The following OPCML variants were observed in gnomAD, a reference collection of about 807,000 sequenced individuals.
OPCML encodes opioid-binding protein/cell adhesion molecule.
In OPCML, 13 loss-of-function variants were observed where a neutral mutation model predicts 37.8. The observed-to-expected ratio is 0.34, with a 90% CI of 0.22 to 0.55. The LOEUF (loss-of-function observed/expected upper bound fraction) is 0.55, where lower values mean the gene tolerates loss of function less well. Ranked by LOEUF, OPCML falls within the 20% of genes least tolerant of loss-of-function variation. OPCML has a pLI of 0.91. For synonymous variants in OPCML, 176 were observed against 168.8 expected (o/e 1.04, Z -0.33); for missense variants, 341 against 435.6 (o/e 0.78, Z 1.93).
intron 2 of OPCML, among the ~76,000 whole-genome samples, chr11:132,767,721 C>T (rs531993768): frequency 6.6e-6 from 1 of 152,146 alleles, no homozygotes; most frequent in African/African-American, 2.4e-5. Context: ...AAAACCCTCA[C>T]AAACTGGTAC....
At chr11:133,062,495 G>A (rs1234321177) in intron 1 of OPCML, among the ~76,000 whole-genome samples, 1 of 152,202 alleles carries the variant, frequency 6.6e-6, no homozygotes, top group Non-Finnish European at 1.5e-5. Flanking sequence ...CGAGGCTCAA[G>A]AGTCCTCCTT....
chr11:132,912,848 A>T (rs1944472059), intron 2 of OPCML, among the ~76,000 whole-genome samples: 1 of 152,240 alleles, frequency 6.6e-6, no homozygotes, highest in Admixed American at 6.5e-5. Context: ...CCGTAGGATA[A>T]AATCCATGCC....
intron 2 of OPCML, among the ~76,000 whole-genome samples, chr11:132,827,480 C>T (rs1335728467): frequency 6.6e-6 from 1 of 152,148 alleles, no homozygotes; most frequent in Middle Eastern, 3.2e-3. Context: ...ATGGCACTGC[C>T]ATTTTGGGAA....
intron 1 of OPCML, chr11:133,026,419 C>T: frequency 2.0e-6 from 2 of 985,376 alleles, no homozygotes; most frequent in Non-Finnish European, 2.4e-6. Flanking sequence ...TTTAGGGAAA[C>T]CTGTTTGCAT....
chr11:133,529,587 G>C (rs1036450334), intron 1 of OPCML, among the ~76,000 whole-genome samples: 2 of 152,164 alleles, frequency 1.3e-5, no homozygotes, highest in African/African-American at 4.8e-5. Context: ...GGCGACAACA[G>C]CATTAACCTT....
At chr11:133,025,269 G>T in intron 1 of OPCML, 2 of 889,434 alleles carry the variant, frequency 2.2e-6, no homozygotes, top group Non-Finnish European at 2.7e-6. Flanking sequence ...TCTCACCTGT[G>T]AGTTGTATCT....
At chr11:133,180,918 G>A (rs575184994) in intron 1 of OPCML, among the ~76,000 whole-genome samples, 5 of 150,472 alleles carry the variant, frequency 3.3e-5, no homozygotes, top group Middle Eastern at 7.0e-3. Context: ...CTGCATGCAA[G>A]TGTTATGTAG....
At chr11:133,308,258 A>C (rs1162992181) in intron 1 of OPCML, among the ~76,000 whole-genome samples, 1 of 152,088 alleles carries the variant, frequency 6.6e-6, no homozygotes, top group Non-Finnish European at 1.5e-5. Context: ...TATACCATAG[A>C]CTCTTAGAGG....
intron 1 of OPCML, among the ~76,000 whole-genome samples, chr11:132,984,807 C>T (rs1946654933): frequency 6.6e-6 from 1 of 152,212 alleles, no homozygotes; most frequent in Non-Finnish European, 1.5e-5. Flanking sequence ...CTTTCAGTGA[C>T]CTGCACTGTC....
At chr11:133,498,016 G>T (rs1947822321) in intron 1 of OPCML, among the ~76,000 whole-genome samples, 3 of 152,210 alleles carry the variant, frequency 2.0e-5, no homozygotes, top group Admixed American at 2.0e-4. Context: ...ATTTAAAAGG[G>T]AACATCAGCT....
At chr11:132,466,975 A>T (rs1339501414) in intron 4 of OPCML, among the ~76,000 whole-genome samples, 1 of 152,162 alleles carries the variant, frequency 6.6e-6, no homozygotes, top group Non-Finnish European at 1.5e-5. Flanking sequence ...TTGTGGAGGG[A>T]GAGGGGTTTC....
intron 1 of OPCML, among the ~76,000 whole-genome samples, chr11:133,165,637 G>T (rs550806171): frequency 6.6e-6 from 1 of 152,056 alleles, no homozygotes; most frequent in Non-Finnish European, 1.5e-5. Flanking sequence ...TCTTTTCCCC[G>T]AGGGTGGAGG....
chr11:132,713,197 CACG>C (rs1238325572), intron 2 of OPCML, among the ~76,000 whole-genome samples: 5 of 152,274 alleles, frequency 3.3e-5, no homozygotes, highest in Non-Finnish European at 5.9e-5. Context: ...ATTATAATGA[CACG>C]ACGCTTCGTA....
chr11:132,441,221 G>A (rs1483730602), intron 4 of OPCML, among the ~76,000 whole-genome samples: 2 of 123,858 alleles, frequency 1.6e-5, no homozygotes, highest in African/African-American at 6.8e-5. Context: ...AGGCTGGAGT[G>A]CAGTGGCGGG....
At chr11:133,085,036 T>C (rs1948798166) in intron 1 of OPCML, among the ~76,000 whole-genome samples, 2 of 152,234 alleles carry the variant, frequency 1.3e-5, no homozygotes, top group Admixed American at 1.3e-4. Flanking sequence ...TTTCTAAGTT[T>C]ATCTCCTTCA....
At chr11:133,081,416 C>T (rs1469131665) in intron 1 of OPCML, among the ~76,000 whole-genome samples, 1 of 152,178 alleles carries the variant, frequency 6.6e-6, no homozygotes, top group Non-Finnish European at 1.5e-5. Flanking sequence ...TTTCCCAATT[C>T]GTAACCCAGT....
intron 2 of OPCML, among the ~76,000 whole-genome samples, chr11:132,911,873 T>C (rs1436681423): frequency 2.0e-5 from 3 of 152,216 alleles, no homozygotes; most frequent in African/African-American, 7.2e-5. Flanking sequence ...GAGCACTCTT[T>C]GCTGTCACCC....
chr11:133,099,441 TC>T (rs796755650), intron 1 of OPCML, among the ~76,000 whole-genome samples: 95 of 117,882 alleles, frequency 8.1e-4, no homozygotes, highest in African/African-American at 2.6e-3. Flanking sequence ...TTTCTTTTTT[TC>T]TTTTTTTTTT....
intron 1 of OPCML, among the ~76,000 whole-genome samples, chr11:133,349,053 G>A (rs142088753): frequency 0.02 from 3,090 of 152,172 alleles, 40 homozygotes; most frequent in Middle Eastern, 0.061. Flanking sequence ...ACCTAAAATC[G>A]CATTAATTGT....
Sources: allele counts gnomAD v4.1 joint callset (sites outside exome capture counted in the v4.1 genomes callset), GRCh38; gene constraint gnomAD v4.1.1; transcripts MANE v1.5; gene names NCBI Gene and HGNC (gene_info 2026-07-23, HGNC 2026-07-21).